The following IQCJ variants were observed in gnomAD, a reference collection of about 807,000 sequenced individuals.
IQCJ encodes IQ domain-containing protein J.
A neutral mutation model predicts 11.0 loss-of-function variants in IQCJ; 9 were observed. The ratio of observed to expected loss-of-function variants is 0.82; its 90% CI spans 0.49 to 1.43. The LOEUF (loss-of-function observed/expected upper bound fraction) is 1.43. Ranked by LOEUF, IQCJ falls within the 40% of genes most tolerant of loss-of-function variation. The pLI, the probability that IQCJ is intolerant of heterozygous loss-of-function variation, is 0.00. For synonymous variants in IQCJ, 55 were observed against 51.3 expected, an observed-to-expected ratio of 1.07 and a Z score of -0.31; for missense variants, 146 against 133.2, an observed-to-expected ratio of 1.10 and a Z score of -0.47.
At chr3:159,182,758 C>T (rs1380904776) in intron 1 of IQCJ, among the ~76,000 whole-genome samples, 1 of 148,956 alleles carries the variant, frequency 6.7e-6, no homozygotes, top group African/African-American at 2.5e-5. Context: ...GGTCAGGGGT[C>T]AATCTTTATT....
rs1264621252 is a variant in IQCJ, at chr3:159,162,219, G to T, written c.10-83624G>T. The stretch of plus-strand genomic sequence containing the variant: ...TCTTTTATTTCCTTGAGCAGTGGTT[G>T]GTAGTTCTCCTTGAAGAGGTCCTTC... On this transcript the variant is annotated intron_variant, in intron 1 of 3. Transcript: ENST00000397832. 1.7e-4 allele frequency among the ~76,000 whole-genome samples: 26 copies of T among 152,146 alleles called. 1 individual carries two copies. Among genetic ancestry groups the T allele is most frequent in the African/African-American group, 3.9e-4 (16 of 41,544 alleles).
intron 1 of IQCJ, among the ~76,000 whole-genome samples, chr3:159,220,629 G>A (rs1322894515): frequency 2.0e-5 from 3 of 152,022 alleles, no homozygotes; most frequent in Non-Finnish European, 4.4e-5. Flanking sequence ...TTCTCCTATC[G>A]TGGGGACTGG....
intron 1 of IQCJ, among the ~76,000 whole-genome samples, chr3:159,127,032 C>T (rs890572753): frequency 4.6e-5 from 7 of 152,206 alleles, no homozygotes; most frequent in Non-Finnish European, 8.8e-5. Context: ...CTTTTGGCTC[C>T]TGTGTGGCAC....
chr3:159,246,889 T>C (rs1003987070), intron 2 of IQCJ, among the ~76,000 whole-genome samples: 1 of 152,102 alleles, frequency 6.6e-6, no homozygotes, highest in Admixed American at 6.6e-5. Flanking sequence ...AGAAACAGCA[T>C]TGTGACTCAG....
At chr3:159,178,590 C>A (rs1201955437) in intron 1 of IQCJ, among the ~76,000 whole-genome samples, 1 of 152,176 alleles carries the variant, frequency 6.6e-6, no homozygotes, top group Non-Finnish European at 1.5e-5. Context: ...TCTTTCCATG[C>A]CCCTCATGTT....
intron 1 of IQCJ, among the ~76,000 whole-genome samples, chr3:159,095,992 G>T (rs61796005): frequency 0.017 from 470 of 27,608 alleles, 19 homozygotes; most frequent in African/African-American, 0.065. Context: ...CAGTGTAAAA[G>T]TGTTCCTATT....
chr3:159,218,778 G>T (rs1252881715), intron 1 of IQCJ, among the ~76,000 whole-genome samples: 1 of 152,110 alleles, frequency 6.6e-6, no homozygotes, highest in Admixed American at 6.5e-5. Context: ...CACAAACTTA[G>T]TGGCTTAAAC....
chr3:159,150,033 C>A (rs1721120254), intron 1 of IQCJ, among the ~76,000 whole-genome samples: 1 of 152,190 alleles, frequency 6.6e-6, no homozygotes, highest in Non-Finnish European at 1.5e-5. Flanking sequence ...CCACCAACAC[C>A]CTATTTTCCC....
intron 1 of IQCJ, among the ~76,000 whole-genome samples, chr3:159,209,976 AT>A (rs1724864237): frequency 6.6e-6 from 1 of 152,192 alleles, no homozygotes; most frequent in African/African-American, 2.4e-5. Context: ...ATGTCATGTT[AT>A]TACAGAAGCT....
intron 1 of IQCJ, among the ~76,000 whole-genome samples, chr3:159,191,120 T>C (rs1723661529): frequency 6.6e-6 from 1 of 152,150 alleles, no homozygotes; most frequent in South Asian, 2.1e-4. Flanking sequence ...AGCCTTTACA[T>C]AGGCCTGAAA....
chr3:159,211,498 A>T (rs766395748), intron 1 of IQCJ, among the ~76,000 whole-genome samples: 3 of 152,242 alleles, frequency 2.0e-5, no homozygotes, highest in Non-Finnish European at 4.4e-5. Flanking sequence ...CACTCTGTAG[A>T]TGAGGGACAA....
chr3:159,221,847 T>C (rs1164255023), intron 1 of IQCJ, among the ~76,000 whole-genome samples: 1 of 151,128 alleles, frequency 6.6e-6, no homozygotes, highest in Non-Finnish European at 1.5e-5. Flanking sequence ...AGAAATTGTA[T>C]TAGAATTGAA....
chr3:159,070,212 T>C (rs77838489), intron 1 of IQCJ: 49 of 152,798 alleles, frequency 3.2e-4, no homozygotes, highest in Admixed American at 6.5e-4. Context: ...TATTGAACTC[T>C]AGTAAAGCAG....
At chr3:159,130,198 T>G (rs201402870) in intron 1 of IQCJ, among the ~76,000 whole-genome samples, 1 of 152,210 alleles carries the variant, frequency 6.6e-6, no homozygotes, top group East Asian at 1.9e-4. Context: ...TATGAAATTT[T>G]CAGTTATTTG....
chr3:159,167,774 G>A (rs1396390843), intron 1 of IQCJ, among the ~76,000 whole-genome samples: 3 of 152,128 alleles, frequency 2.0e-5, no homozygotes. Flanking sequence ...TAGCTCATTT[G>A]TATCTACAAA....
rs1727673567 is a variant in IQCJ at position 159,252,738 on chromosome 3, C to T, written c.86C>T (p.Ala29Val). The T allele has an allele frequency of 6.2e-7, 1 of 1,610,502 alleles. No homozygotes were observed. Among genetic ancestry groups the T allele is most frequent in the Admixed American group, 1.7e-5 (1 of 59,620 alleles). ...GKYSFENHQL[A>V]MDAENNIEKY... is the part of the protein sequence containing the mutation. ...ATTTCTGTTTCTAGTCACCAGCTGG[C>T]CATGGATGCAGAGAATAATATTGAA... is the stretch of plus-strand genomic sequence containing the variant. Residue 29 changes from alanine to valine, a missense_variant, in exon 3 of 4, where the codon GCC (alanine) becomes GTC (valine). Transcript: ENST00000397832.
At chr3:159,094,776 C>T (rs1717611736) in intron 1 of IQCJ, among the ~76,000 whole-genome samples, 1 of 151,770 alleles carries the variant, frequency 6.6e-6, no homozygotes, top group Non-Finnish European at 1.5e-5. Flanking sequence ...TAGGACTTGA[C>T]CTTGGATGGG....
chr3:159,119,178 T>C lies in IQCJ; in HGVS notation c.9+49737T>C, dbSNP rs146712232. On this transcript the variant is annotated intron_variant, in intron 1 of 3. Transcript: ENST00000397832. ...TGTGGCAGAGGATTGGCTATCCTAC[T>C]GCAATGTCCCCTGGTTCCAGAAGCT... Among the ~76,000 whole-genome samples, 44 of 152,356 alleles carry C rather than the reference T, an allele frequency of 2.9e-4. No homozygotes were observed. The East Asian group carries it at 7.7e-3, about 27-fold the overall frequency.
Position 159,116,614 on chromosome 3 carries a change from G to GTATATATA in IQCJ, c.9+47222_9+47229dup, listed in dbSNP as rs57810703. Among the ~76,000 whole-genome samples the GTATATATA allele has an allele frequency of 3.5e-4, 20 of 57,716 alleles. 2 individuals carry two copies. Among genetic ancestry groups the GTATATATA allele is most frequent in the Non-Finnish European group, 4.5e-4 (13 of 28,578 alleles). 37.9% of individuals were successfully genotyped at this position (57,716 alleles called of 152,430 possible). A position where few individuals can be genotyped will look rare whatever the true frequency, so the allele number is the denominator to read the frequency against. On this transcript the variant is annotated intron_variant, in intron 1 of 3. Coordinates refer to ENST00000397832, the MANE Select transcript of IQCJ (RefSeq NM_001042706.3). ...TTCTATTTTAGCATCCTGCTCATAT[G>GTATATATA]TATATATATATATATATATATATAT... is the stretch of plus-strand genomic sequence containing the variant.
Sources: gnomAD v4.1 joint callset for allele counts (sites outside exome capture counted in the v4.1 genomes callset) on GRCh38, gnomAD v4.1.1 for gene constraint, MANE v1.5 for transcripts, NCBI Gene and HGNC (gene_info 2026-07-23, HGNC 2026-07-21) for gene names.